Variants in RPH3A observed in about 807,000 individuals in gnomAD.
RPH3A encodes rabphilin-3A.
In RPH3A, 48 loss-of-function variants were observed where a neutral mutation model predicts 102.2. That is an observed-to-expected ratio of 0.47 (90% CI 0.37 to 0.60). The LOEUF (loss-of-function observed/expected upper bound fraction) is 0.60, where lower values mean the gene tolerates loss of function less well. Among genes scored for constraint, RPH3A ranks in the 20% least tolerant of loss-of-function variants. The pLI is 0.00. For synonymous variants in RPH3A, 310 were observed against 324.3 expected, an observed-to-expected ratio of 0.96 and a Z score of 0.47; for missense variants, 781 against 910.1, an observed-to-expected ratio of 0.86 and a Z score of 1.83.
intron 1 of RPH3A, among the ~76,000 whole-genome samples, chr12:112,692,090 A>G (rs985770633): frequency 1.4e-4 from 22 of 152,240 alleles, no homozygotes; most frequent in Non-Finnish European, 3.1e-4. Flanking sequence ...GTTAAACATC[A>G]CACATTCTCA....
intron 1 of RPH3A, among the ~76,000 whole-genome samples, chr12:112,670,882 T>C (rs1352728568): frequency 6.6e-6 from 1 of 152,134 alleles, no homozygotes; most frequent in African/African-American, 2.4e-5. Flanking sequence ...AGCCCAGATT[T>C]AAGGGGTGGG....
intron 1 of RPH3A, among the ~76,000 whole-genome samples, chr12:112,696,465 G>A (rs2040352940): frequency 6.6e-6 from 1 of 152,190 alleles, no homozygotes; most frequent in Non-Finnish European, 1.5e-5. Flanking sequence ...TGTACAAGTG[G>A]AGGCTCAGGG....
intron 1 of RPH3A, among the ~76,000 whole-genome samples, chr12:112,660,841 A>G (rs1233191063): frequency 6.6e-6 from 1 of 152,158 alleles, no homozygotes; most frequent in Non-Finnish European, 1.5e-5. Context: ...TCTTGCTCTT[A>G]ATTAACCCTT....
At chr12:112,821,822 A>G (rs929652045) in intron 2 of RPH3A, among the ~76,000 whole-genome samples, 1 of 152,160 alleles carries the variant, frequency 6.6e-6, no homozygotes, top group Non-Finnish European at 1.5e-5. Flanking sequence ...TTTTAATGTT[A>G]TATCCCCTGT....
intron 2 of RPH3A, among the ~76,000 whole-genome samples, chr12:112,810,394 G>T (rs1351230847): frequency 6.6e-6 from 1 of 152,138 alleles, no homozygotes; most frequent in Admixed American, 6.5e-5. Context: ...CATGCTCTGC[G>T]GATGCCGGAG....
chr12:112,635,550 G>A (rs1370865534), intron 1 of RPH3A, among the ~76,000 whole-genome samples: 1 of 151,768 alleles, frequency 6.6e-6, no homozygotes, highest in East Asian at 1.9e-4. Context: ...TTTATATGCA[G>A]ACATGACAAA....
At chr12:112,734,510 A>C (rs1320585806) in intron 1 of RPH3A, among the ~76,000 whole-genome samples, 1 of 152,222 alleles carries the variant, frequency 6.6e-6, no homozygotes, top group African/African-American at 2.4e-5. Context: ...GGGTTCTTGG[A>C]TCTTGCTTAA....
At chr12:112,716,059 A>G (rs2040511410) in intron 1 of RPH3A, among the ~76,000 whole-genome samples, 1 of 152,202 alleles carries the variant, frequency 6.6e-6, no homozygotes, top group African/African-American at 2.4e-5. Context: ...TAGCATGCTA[A>G]TACATTATAA....
chr12:112,727,762 A>G (rs1430595447), intron 1 of RPH3A, among the ~76,000 whole-genome samples: 1 of 152,134 alleles, frequency 6.6e-6, no homozygotes, highest in Non-Finnish European at 1.5e-5. Context: ...TTCCTAGGTT[A>G]AACCTTGCCT....
intron 1 of RPH3A, among the ~76,000 whole-genome samples, chr12:112,646,778 G>A (rs77004537): frequency 0.014 from 2,114 of 152,262 alleles, 59 homozygotes; most frequent in African/African-American, 0.048. Flanking sequence ...TGACACTTGA[G>A]GGGCCTGGGA....
intron 19 of RPH3A, chr12:112,891,222 G>T (rs1414598894): frequency 1.8e-6 from 1 of 569,226 alleles, no homozygotes; most frequent in Non-Finnish European, 3.1e-6. Context: ...CACAGGCAAA[G>T]CTCTGTGGCT....
intron 1 of RPH3A, among the ~76,000 whole-genome samples, chr12:112,690,811 T>C (rs989598044): frequency 6.6e-6 from 1 of 152,226 alleles, no homozygotes; most frequent in African/African-American, 2.4e-5. Flanking sequence ...TGGGATCACA[T>C]TATGTTTATT....
At chr12:112,869,497 A>T (rs140807733) in intron 8 of RPH3A, 9 of 422,030 alleles carry the variant, frequency 2.1e-5, no homozygotes, top group African/African-American at 1.6e-4. Context: ...CCTTCTTCCT[A>T]GTTCTTCTAG....
chr12:112,726,380 G>A (rs983586947), intron 1 of RPH3A, among the ~76,000 whole-genome samples: 3 of 152,214 alleles, frequency 2.0e-5, no homozygotes, highest in Non-Finnish European at 4.4e-5. Flanking sequence ...CTCCCAAAGT[G>A]CTGGGATTAT....
intron 1 of RPH3A, among the ~76,000 whole-genome samples, chr12:112,588,665 C>T (rs2039455868): frequency 6.6e-6 from 1 of 152,186 alleles, no homozygotes; most frequent in Non-Finnish European, 1.5e-5. Flanking sequence ...GCCCTCCTGC[C>T]TCGCTCTTTC....
intron 1 of RPH3A, among the ~76,000 whole-genome samples, chr12:112,733,727 C>T (rs191512885): frequency 1.9e-3 from 289 of 152,300 alleles, no homozygotes; most frequent in African/African-American, 6.7e-3. Flanking sequence ...CAGCACTTCT[C>T]TGAGGCTGCC....
At chr12:112,648,211 T>G (rs1213899145) in intron 1 of RPH3A, among the ~76,000 whole-genome samples, 1 of 152,132 alleles carries the variant, frequency 6.6e-6, no homozygotes, top group African/African-American at 2.4e-5. Context: ...TATATACAAT[T>G]CCATATTTCT....
At chr12:112,739,371 A>T (rs2040692212) in intron 1 of RPH3A, among the ~76,000 whole-genome samples, 1 of 152,140 alleles carries the variant, frequency 6.6e-6, no homozygotes, top group South Asian at 2.1e-4. Flanking sequence ...GAGGAAACTG[A>T]GGCTTAGGGA....
At chr12:112,863,377 G>T (rs928564994) in intron 5 of RPH3A, among the ~76,000 whole-genome samples, 2 of 152,230 alleles carry the variant, frequency 1.3e-5, no homozygotes, top group African/African-American at 4.8e-5. Context: ...GAGTGCAGTG[G>T]CACAATCTCA....
Sources: gnomAD v4.1 joint callset for allele counts (sites outside exome capture counted in the v4.1 genomes callset) on GRCh38, gnomAD v4.1.1 for gene constraint, MANE v1.5 for transcripts, NCBI Gene and HGNC (gene_info 2026-07-23, HGNC 2026-07-21) for gene names.